C7orf57: variants seen among roughly 807,000 people sequenced by gnomAD.
The protein encoded by C7orf57 is chromosome 7 open reading frame 57.
In C7orf57, 33 loss-of-function variants were observed where a neutral mutation model predicts 39.0. The ratio of observed to expected loss-of-function variants is 0.85; its 90% CI spans 0.64 to 1.13. The LOEUF (loss-of-function observed/expected upper bound fraction) is 1.13, where lower values mean the gene tolerates loss of function less well. C7orf57 is among the 50% of genes most tolerant of loss of function. The pLI, the probability that C7orf57 is intolerant of heterozygous loss-of-function variation, is 0.00. For missense variants in C7orf57, 346 were observed against 362.3 expected, an observed-to-expected ratio of 0.95 and a Z score of 0.37; for synonymous variants, 124 against 137.1, an observed-to-expected ratio of 0.90 and a Z score of 0.67.
At chr7:48,057,288 T>G (rs1200782948) in intron 8 of C7orf57, among the ~76,000 whole-genome samples, 3 of 152,158 alleles carry the variant, frequency 2.0e-5, no homozygotes, top group Non-Finnish European at 2.9e-5. Flanking sequence ...TATCTGTGTC[T>G]TCTTCAATTT....
In C7orf57 at chr7:48,036,355, C is replaced by A. The variant is rs1367659214; in HGVS notation, c.47C>A (p.Ala16Asp). ...KELQGATHRY[A>D]PCDWYYHVPV... Reference sequence around the variant, plus strand: ...CTTCAGGGCGCCACGCACCGCTACGCTCCCTGCGGTGAGTGCGCCCTGAGC... The same window carrying A: ...CTTCAGGGCGCCACGCACCGCTACGATCCCTGCGGTGAGTGCGCCCTGAGC... The change falls in exon 2 of 9, where the codon GCT becomes GAT. Residue 16 changes from alanine to aspartate, a missense_variant. By Grantham distance (126) the Ala-to-Asp change is moderately radical. Coordinates refer to ENST00000348904, the MANE Select transcript of C7orf57 (RefSeq NM_001100159.3). 1.3e-6 allele frequency: 2 copies of A among 1,587,126 alleles called. No homozygotes were observed. The highest frequency in any genetic ancestry group is 2.7e-5 in the African/African-American group (2 of 74,334).
chr7:48,060,447 G>C lies in C7orf57; in HGVS notation c.*175G>C, dbSNP rs1318889412. 3 of 478,636 alleles carry C rather than the reference G, an allele frequency of 6.3e-6. No homozygotes were observed. The highest frequency in any genetic ancestry group is 6.6e-5 in the East Asian group (2 of 30,492). 29.6% of individuals were successfully genotyped at this position (478,636 alleles called of 1,614,324 possible). A position where few individuals can be genotyped will look rare whatever the true frequency, so the allele number is the denominator to read the frequency against. On this transcript the variant is annotated 3_prime_UTR_variant, in exon 9 of 9. Transcript: ENST00000348904. ...ATAGAAGGGGCAGGTGTTGGTTTTT[G>C]TTTCTTGCATTTCTCTGGGATGTGA...
chr7:48,044,166 A>G (rs1396956763), intron 4 of C7orf57, among the ~76,000 whole-genome samples: 1 of 152,156 alleles, frequency 6.6e-6, no homozygotes, highest in Non-Finnish European at 1.5e-5. Context: ...GCCTCCCTGG[A>G]TCAGAAGTGC....
intron 5 of C7orf57, among the ~76,000 whole-genome samples, chr7:48,049,536 G>T (rs1274309182): frequency 1.3e-5 from 2 of 152,106 alleles, no homozygotes; most frequent in Non-Finnish European, 2.9e-5. Flanking sequence ...CCAGTTCTGG[G>T]TGATTATTAC....
At chr7:48,044,001 A>ATT (rs1790634549) in intron 4 of C7orf57, among the ~76,000 whole-genome samples, 1 of 152,168 alleles carries the variant, frequency 6.6e-6, no homozygotes, top group Non-Finnish European at 1.5e-5. Context: ...ACCTTGGGCC[A>ATT]TGCATGAGTG....
At position 48,041,518 on chromosome 7, in the gene C7orf57, C is replaced by T. The variant is rs1352141392; in HGVS notation, c.240C>T (p.Pro80=). The T allele has an allele frequency of 4.4e-6, 7 of 1,600,884 alleles. No individual in the cohort carries two copies. The highest frequency in any genetic ancestry group is 1.7e-4 in the Middle Eastern group (1 of 6,004). ...YVKLAKQGGR[P]DLLKHFAPGT... is the part of the protein sequence containing the mutation. ...AGCTCGCGAAACAAGGTGGCAGGCC[C>T]GGTGAGCCCCCTCCTGCCCTGTTCA... Residue 80 remains proline, a splice_region_variant and synonymous_variant, in exon 3 of 9, where the codon CCC becomes CCT. Coordinates refer to ENST00000348904, the MANE Select transcript of C7orf57 (RefSeq NM_001100159.3).
chr7:48,050,358 A>G (rs1790838607), intron 6 of C7orf57, among the ~76,000 whole-genome samples: 1 of 152,190 alleles, frequency 6.6e-6, no homozygotes, highest in Admixed American at 6.5e-5. Flanking sequence ...CCAAGGCCTG[A>G]ACTGAGGTGT....
chr7:48,053,139 C>G (rs570519028), intron 7 of C7orf57: 1 of 663,128 alleles, frequency 1.5e-6, no homozygotes, highest in African/African-American at 1.8e-5. Context: ...GAAGTCATGA[C>G]TTTTGGGGTT....
chr7:48,036,336 G>A lies in C7orf57; in HGVS notation c.28G>A (p.Gly10Ser). ...GAGGAACACAAGCAAGGAACTTCAG[G>A]GCGCCACGCACCGCTACGCTCCCTG... is the stretch of plus-strand genomic sequence containing the variant. Reference protein sequence around the residue: MRNTSKELQGATHRYAPCDW... With the variant: MRNTSKELQSATHRYAPCDW... Residue 10 changes from glycine to serine, a missense_variant, in exon 2 of 9, where the codon GGC (glycine) becomes AGC (serine). Transcript: ENST00000348904. The A allele has an allele frequency of 1.9e-6, 3 of 1,591,328 alleles. No homozygotes were observed. The highest frequency in any genetic ancestry group is 1.7e-6 in the Non-Finnish European group (2 of 1,169,376).
intron 2 of C7orf57, among the ~76,000 whole-genome samples, chr7:48,037,749 C>CTGTGTGTGTGTGTGTGTGTGTGTGTGTG (rs71006544): frequency 6.6e-6 from 1 of 150,572 alleles, no homozygotes; most frequent in Non-Finnish European, 1.5e-5. Context: ...CTTTAACCCT[C>CTGTGTGTGTGTGTGTGTGTGTGTGTGTG]TGTGTGTGTG....
chr7:48,057,814 T>C (rs1255465913), intron 8 of C7orf57, among the ~76,000 whole-genome samples: 2 of 152,136 alleles, frequency 1.3e-5, no homozygotes, highest in African/African-American at 4.8e-5. Context: ...TGTTGAGAGT[T>C]TTTTTTATCA....
Position 48,051,809 on chromosome 7 carries a change from T to TCCTTCCTTTTCTCTTCTCTTCTC in C7orf57, c.606-891_606-890insCCTTCCTTTTCTCTTCTCTTCTC, listed in dbSNP as rs1554299741. ...TTCTTTCTTTCTTTCCTTCCTTCCTTTTCTCTTCTCTTTCTTTCTTTCTTT... is the reference window on the plus strand; with the variant it reads ...TTCTTTCTTTCTTTCCTTCCTTCCTTCCTTCCTTTTCTCTTCTCTTCTCTTCTCTTCTCTTTCTTTCTTTCTTT... On this transcript the variant is annotated intron_variant, in intron 6 of 8. Transcript: ENST00000348904. Among the ~76,000 whole-genome samples, 13 of 83,782 alleles carry TCCTTCCTTTTCTCTTCTCTTCTC rather than the reference T, an allele frequency of 1.6e-4. 1 individual carries two copies. The highest frequency in any genetic ancestry group is 6.1e-4 in the African/African-American group (12 of 19,660). 55.0% of individuals were successfully genotyped at this position (83,782 alleles called of 152,430 possible).
intron 1 of C7orf57, 118 bp from the exon 2 acceptor site, chr7:48,036,090 C>T (rs1790347597): frequency 1.6e-6 from 1 of 614,832 alleles, no homozygotes; most frequent in Admixed American, 2.8e-5. Flanking sequence ...GGACATGCCC[C>T]CTGCTGTATA....
chr7:48,039,048 G>C (rs1250050512), intron 2 of C7orf57, among the ~76,000 whole-genome samples: 1 of 152,172 alleles, frequency 6.6e-6, no homozygotes, highest in East Asian at 1.9e-4. Flanking sequence ...ACTTCAGAGA[G>C]AGTAGATGTG....
At chr7:48,044,863 A>G (rs1790668539) in intron 4 of C7orf57, among the ~76,000 whole-genome samples, 1 of 152,264 alleles carries the variant, frequency 6.6e-6, no homozygotes, top group Non-Finnish European at 1.5e-5. Flanking sequence ...TTGAGAGGTA[A>G]AATGAAAAAT....
chr7:48,043,630 A>C, intron 4 of C7orf57, 41 bp downstream of exon 4: 1 of 1,512,662 alleles, frequency 6.6e-7, no homozygotes, highest in East Asian at 2.3e-5. Context: ...TTATCTTTAC[A>C]GGAAAAAAAT....
At chr7:48,041,272 G>C (rs1790537813) in intron 2 of C7orf57, 62 bp from the exon 3 acceptor site, 1 of 1,468,108 alleles carries the variant, frequency 6.8e-7, no homozygotes, top group South Asian at 1.3e-5. Flanking sequence ...TACTCTGGTA[G>C]AGGCCTAGAG....
chr7:48,054,535 C>T, intron 7 of C7orf57, 60 bp from the exon 8 acceptor site: 4 of 1,349,768 alleles, frequency 3.0e-6, no homozygotes, highest in Non-Finnish European at 4.1e-6. Context: ...GTAATTATGA[C>T]TTCTTTTAAT....
intron 5 of C7orf57, among the ~76,000 whole-genome samples, chr7:48,049,029 C>T (rs548807324): frequency 4.6e-5 from 7 of 152,108 alleles, no homozygotes; most frequent in South Asian, 2.1e-4. Context: ...AGTTAACCCC[C>T]CTCCGGGCTG....
Sources: gnomAD v4.1 joint callset for allele counts (sites outside exome capture counted in the v4.1 genomes callset) on GRCh38, gnomAD v4.1.1 for gene constraint, MANE v1.5 for transcripts, NCBI Gene and HGNC (gene_info 2026-07-23, HGNC 2026-07-21) for gene names.